The following MARK1 variants were observed in gnomAD, a reference collection of about 807,000 sequenced individuals.
MARK1 encodes serine/threonine-protein kinase MARK1.
MARK1 carries 40 observed loss-of-function variants against 96.3 expected under a neutral mutation model. The ratio of observed to expected loss-of-function variants is 0.42; its 90% confidence interval spans 0.32 to 0.54. The LOEUF (loss-of-function observed/expected upper bound fraction) is 0.54, where lower values mean the gene tolerates loss of function less well. Ranked by LOEUF, MARK1 falls within the 20% of genes least tolerant of loss-of-function variation. The probability of loss-of-function intolerance (pLI) is 0.16; values close to 1 mark genes in which losing one functional copy is unlikely to be tolerated. For missense variants in MARK1, 719 were observed against 984.6 expected, an observed-to-expected ratio of 0.73 and a Z score of 3.61; for synonymous variants, 317 against 341.2, an observed-to-expected ratio of 0.93 and a Z score of 0.78.
intron 5 of MARK1, among the ~76,000 whole-genome samples, chr1:220,600,892 CTT>C (rs11417176): frequency 2.1e-5 from 3 of 144,244 alleles, no homozygotes; most frequent in African/African-American, 5.1e-5. Flanking sequence ...TTTTCTTTTT[CTT>C]TTTTTTTTTT....
intron 13 of MARK1, among the ~76,000 whole-genome samples, chr1:220,641,777 C>T (rs1011622674): frequency 8.1e-5 from 10 of 123,700 alleles, no homozygotes; most frequent in Admixed American, 7.6e-4. Context: ...CAAGGAAAAG[C>T]GGCAGGGGTG....
intron 1 of MARK1, among the ~76,000 whole-genome samples, chr1:220,538,703 G>A (rs1660900964): frequency 1.3e-5 from 2 of 152,180 alleles, no homozygotes; most frequent in African/African-American, 4.8e-5. Flanking sequence ...CTACCCATGA[G>A]CATGGAATGT....
chr1:220,615,272 T>C (rs952880435), intron 6 of MARK1, among the ~76,000 whole-genome samples: 5 of 152,270 alleles, frequency 3.3e-5, no homozygotes, highest in Admixed American at 3.3e-4. Context: ...AGTTAAAAAT[T>C]ATGGCTGCAT....
intron 1 of MARK1, among the ~76,000 whole-genome samples, chr1:220,529,784 G>T (rs1660188163): frequency 6.6e-6 from 1 of 152,196 alleles, no homozygotes; most frequent in South Asian, 2.1e-4. Flanking sequence ...ACAGTTGTGT[G>T]TGTGTGTGCA....
intron 1 of MARK1, among the ~76,000 whole-genome samples, chr1:220,533,059 A>G (rs1486343213): frequency 6.6e-6 from 1 of 152,038 alleles, no homozygotes; most frequent in Non-Finnish European, 1.5e-5. Flanking sequence ...GGTATAAGAT[A>G]CTTTATTAGA....
At chr1:220,542,980 A>G (rs1011475138) in intron 1 of MARK1, among the ~76,000 whole-genome samples, 1 of 152,164 alleles carries the variant, frequency 6.6e-6, no homozygotes, top group South Asian at 2.1e-4. Flanking sequence ...TCGTATCTGT[A>G]TACTTTAAAA....
chr1:220,574,276 A>G (rs745603546), intron 1 of MARK1, among the ~76,000 whole-genome samples: 3 of 152,248 alleles, frequency 2.0e-5, no homozygotes, highest in Non-Finnish European at 2.9e-5. Context: ...CAGGCCAAAT[A>G]CCTACTTTAT....
chr1:220,583,873 G>A (rs2102853203), intron 3 of MARK1, among the ~76,000 whole-genome samples: 1 of 127,648 alleles, frequency 7.8e-6, no homozygotes, highest in East Asian at 2.3e-4. Context: ...TCACCATGTT[G>A]GCCAGGATGG....
intron 1 of MARK1, among the ~76,000 whole-genome samples, chr1:220,554,867 A>C (rs1025538509): frequency 6.6e-6 from 1 of 152,208 alleles, no homozygotes; most frequent in Non-Finnish European, 1.5e-5. Context: ...TGAAAATTTT[A>C]AACTTTTTAT....
intron 13 of MARK1, among the ~76,000 whole-genome samples, chr1:220,645,292 A>G (rs749350560): frequency 1.3e-5 from 2 of 152,230 alleles, no homozygotes; most frequent in African/African-American, 2.4e-5. Flanking sequence ...AAACACCTCT[A>G]TGCAAATAAA....
intron 6 of MARK1, among the ~76,000 whole-genome samples, chr1:220,609,329 G>A (rs752449202): frequency 1.3e-5 from 2 of 152,076 alleles, no homozygotes; most frequent in East Asian, 1.9e-4. Flanking sequence ...TGTCTCTTTT[G>A]ATCTTTGTCA....
chr1:220,612,282 C>T (rs919208727), intron 6 of MARK1, among the ~76,000 whole-genome samples: 5 of 152,088 alleles, frequency 3.3e-5, no homozygotes, highest in Admixed American at 6.5e-5. Flanking sequence ...AAGAGCTTTC[C>T]ATCTTTGCTG....
intron 1 of MARK1, among the ~76,000 whole-genome samples, chr1:220,560,318 T>C (rs1662579897): frequency 6.6e-6 from 1 of 152,220 alleles, no homozygotes; most frequent in Non-Finnish European, 1.5e-5. Context: ...AAACTGCAGA[T>C]ATACATATAC....
intron 9 of MARK1, among the ~76,000 whole-genome samples, chr1:220,621,505 A>T (rs1667050432): frequency 6.6e-6 from 1 of 152,078 alleles, no homozygotes; most frequent in African/African-American, 2.4e-5. Context: ...TTTAATTTGT[A>T]TTTCTTTTAT....
intron 16 of MARK1, among the ~76,000 whole-genome samples, chr1:220,655,733 CA>C (rs1669134343): frequency 6.6e-6 from 1 of 152,202 alleles, no homozygotes. Flanking sequence ...TCTGTTTCAG[CA>C]GTGTCATGTC....
Position 220,604,120 on chromosome 1 carries a change from C to G in MARK1, c.478C>G (p.Arg160Gly). 1 of 1,610,494 alleles carries G rather than the reference C, an allele frequency of 6.2e-7. No homozygotes were observed. Among genetic ancestry groups the G allele is most frequent in the Non-Finnish European group, 8.5e-7 (1 of 1,177,936 alleles). Residue 160 changes from arginine (R) to glycine (G), a missense_variant, in exon 6 of 18, where the codon CGT (arginine) becomes GGT (glycine). Transcript: ENST00000366917. ...AHGRMKEKEA[R>G]AKFRQIVSAV... Reference sequence around the variant, plus strand: ...TGGAAGAATGAAAGAGAAAGAGGCCCGTGCAAAATTTAGGCAGGTATGGAA... The same window carrying G: ...TGGAAGAATGAAAGAGAAAGAGGCCGGTGCAAAATTTAGGCAGGTATGGAA...
chr1:220,530,756 A>G (rs1190992759), intron 1 of MARK1, among the ~76,000 whole-genome samples: 5 of 152,196 alleles, frequency 3.3e-5, no homozygotes, highest in Admixed American at 1.3e-4. Context: ...TATGCTGTAT[A>G]AACTGATTTG....
intron 13 of MARK1, among the ~76,000 whole-genome samples, chr1:220,637,446 G>A (rs1413910391): frequency 6.6e-6 from 1 of 152,080 alleles, no homozygotes; most frequent in Non-Finnish European, 1.5e-5. Context: ...TTGGGAGGAC[G>A]AGGTGACTGG....
intron 3 of MARK1, among the ~76,000 whole-genome samples, chr1:220,585,198 G>A (rs976818651): frequency 6.6e-6 from 1 of 152,254 alleles, no homozygotes; most frequent in Middle Eastern, 3.4e-3. Context: ...GTTACCCACT[G>A]TTTCACTCTC....
Sources: gnomAD v4.1 joint callset for allele counts (sites outside exome capture counted in the v4.1 genomes callset) on GRCh38, gnomAD v4.1.1 for gene constraint, MANE v1.5 for transcripts, NCBI Gene and HGNC (gene_info 2026-07-23, HGNC 2026-07-21) for gene names.